KIRREL3: variants seen among roughly 807,000 people sequenced by gnomAD.
KIRREL3 encodes kirre like nephrin family adhesion molecule 3, also known as kin of IRRE-like protein 3.
KIRREL3 carries 36 observed loss-of-function variants against 89.7 expected under a neutral mutation model. The observed-to-expected ratio is 0.40, with a 90% CI of 0.31 to 0.53. The LOEUF (loss-of-function observed/expected upper bound fraction) is 0.53. KIRREL3 is among the 20% of genes least tolerant of loss of function. The pLI is 0.49. For missense variants in KIRREL3, 864 were observed against 1,056.6 expected (o/e 0.82, Z 2.53); for synonymous variants, 445 against 441.4 (o/e 1.01, Z -0.10).
At chr11:126,450,498 C>A (rs117890070) in intron 7 of KIRREL3, among the ~76,000 whole-genome samples, 1 of 89,788 alleles carries the variant, frequency 1.1e-5, no homozygotes, top group South Asian at 3.3e-4. Flanking sequence ...TGAGTGTGTG[C>A]ATGTGTGCAT....
At chr11:126,942,195 C>T (rs940040401) in intron 1 of KIRREL3, among the ~76,000 whole-genome samples, 2 of 152,178 alleles carry the variant, frequency 1.3e-5, no homozygotes, top group Non-Finnish European at 2.9e-5. Flanking sequence ...GTATTAATCT[C>T]TCTGAGCCTT....
Position 126,682,015 on chromosome 11 carries a change from G to A in KIRREL3, c.56-119103C>T, listed in dbSNP as rs1946479149. On this transcript the variant is annotated intron_variant, in intron 1 of 16. Coordinates refer to ENST00000525144, the MANE Select transcript of KIRREL3 (RefSeq NM_032531.4). The surrounding 1 kb of genome is among the most constrained non-coding windows in gnomAD (Gnocchi z 4.8). The stretch of plus-strand genomic sequence containing the variant: ...AATCAGGAGACCAGATGTCAAGACT[G>A]GACTACATCTTTATATTCATTTCCA... 1 of 372,450 alleles carries A rather than the reference G, an allele frequency of 2.7e-6. No individual in the cohort carries two copies. Among genetic ancestry groups the A allele is most frequent in the Admixed American group, 3.4e-5 (1 of 29,256 alleles). The allele number at this position is 372,450 out of a possible 1,614,324, so 23.1% of individuals were successfully genotyped here. A position where few individuals can be genotyped will look rare whatever the true frequency, so the allele number is the denominator to read the frequency against.
At chr11:126,678,196 A>G (rs1946284142) in intron 1 of KIRREL3, among the ~76,000 whole-genome samples, 1 of 152,184 alleles carries the variant, frequency 6.6e-6, no homozygotes, top group South Asian at 2.1e-4. Flanking sequence ...AGCTTACAGC[A>G]CCTGATTAAT....
chr11:126,436,690 G>T, intron 12 of KIRREL3, 121 bp downstream of exon 12: 1 of 1,039,154 alleles, frequency 9.6e-7, no homozygotes, highest in Non-Finnish European at 1.4e-6. Context: ...GCCAGGAAGA[G>T]CACTGTGGCT....
At position 126,594,207 on chromosome 11, in the gene KIRREL3, G is replaced by A. The variant is rs558876654; in HGVS notation, c.56-31295C>T. Among the ~76,000 whole-genome samples the A allele has an allele frequency of 6.6e-6, 1 of 152,292 alleles. No homozygotes were observed. Among genetic ancestry groups the A allele is most frequent in the East Asian group, 1.9e-4 (1 of 5,184 alleles). The stretch of plus-strand genomic sequence containing the variant: ...CTGGAGAAGAAGGCAGGCAGAAGAG[G>A]AAGGGAGGGAAGGATGGAGGAGCTG... On this transcript the variant is annotated intron_variant, in intron 1 of 16. Coordinates refer to ENST00000525144, the MANE Select transcript of KIRREL3 (RefSeq NM_032531.4). The surrounding 1 kb of genome is among the most constrained non-coding windows in gnomAD (Gnocchi z 5.0).
rs997692601 is a variant in KIRREL3, at chr11:126,703,412, T to C, written c.56-140500A>G. Among the ~76,000 whole-genome samples the C allele has an allele frequency of 1.3e-5, 2 of 152,254 alleles. No homozygotes were observed. Among genetic ancestry groups the C allele is most frequent in the Non-Finnish European group, 2.9e-5 (2 of 68,040 alleles). On this transcript the variant is annotated intron_variant, in intron 1 of 16. Coordinates refer to ENST00000525144, the MANE Select transcript of KIRREL3 (RefSeq NM_032531.4). This position sits in a 1 kb window ranked among gnomAD's most constrained non-coding sequence, Gnocchi z 4.6. Reference sequence around the variant, plus strand: ...TCAGCAGGAGCAGTGACTTTACCAATGATTGATCAGCTGTTATGTGCCAGG... The same window carrying C: ...TCAGCAGGAGCAGTGACTTTACCAACGATTGATCAGCTGTTATGTGCCAGG...
intron 1 of KIRREL3, among the ~76,000 whole-genome samples, chr11:126,654,305 G>A (rs1363145131): frequency 2.6e-5 from 4 of 151,174 alleles, no homozygotes; most frequent in Non-Finnish European, 4.4e-5. Context: ...AGTCAACCCC[G>A]AGAAGATGGA....
chr11:126,745,024 T>A (rs1949097960), intron 1 of KIRREL3, among the ~76,000 whole-genome samples: 1 of 152,110 alleles, frequency 6.6e-6, no homozygotes, highest in Non-Finnish European at 1.5e-5. Context: ...TGGTTAGAGG[T>A]CCAGTTTCAA....
At position 126,429,535 on chromosome 11, in the gene KIRREL3, C is replaced by T. The variant is rs1380275186; in HGVS notation, c.1697-247G>A. On this transcript the variant is annotated intron_variant, in intron 14 of 16. Transcript: ENST00000525144. This position sits in a 1 kb window ranked among gnomAD's most constrained non-coding sequence, Gnocchi z 5.2. ...CTGTCACATGCCCCTCAGCCATGCA[C>T]CCTTGGCTTGAAAGATCGTCTTCAG... 1.3e-5 allele frequency among the ~76,000 whole-genome samples: 2 copies of T among 152,200 alleles called. No individual in the cohort carries two copies. Among genetic ancestry groups the T allele is most frequent in the African/African-American group, 2.4e-5 (1 of 41,452 alleles).
intron 5 of KIRREL3, among the ~76,000 whole-genome samples, chr11:126,464,143 AG>A (rs943247822): frequency 6.6e-6 from 1 of 152,164 alleles, no homozygotes; most frequent in Non-Finnish European, 1.5e-5. Flanking sequence ...TAATTAGTTA[AG>A]GCTCTTGAGA....
chr11:126,864,197 C>T (rs1000215583), intron 1 of KIRREL3, among the ~76,000 whole-genome samples: 2 of 152,178 alleles, frequency 1.3e-5, no homozygotes, highest in African/African-American at 4.8e-5. Flanking sequence ...AGTTATTATT[C>T]TCATTTTAGG....
In KIRREL3 at chr11:126,805,923, C is replaced by T. The variant is rs147976486; in HGVS notation, c.55+194532G>A. On this transcript the variant is annotated intron_variant, in intron 1 of 16. Coordinates refer to ENST00000525144, the MANE Select transcript of KIRREL3 (RefSeq NM_032531.4). This position sits in a 1 kb window ranked among gnomAD's most constrained non-coding sequence, Gnocchi z 4.3. The stretch of plus-strand genomic sequence containing the variant: ...TGCCATCCCCTCCACCTTCTCCGTG[C>T]GGCCTCTCCCTTGGCTGTCCTCTGA... Among the ~76,000 whole-genome samples, 7 of 152,252 alleles carry T rather than the reference C, an allele frequency of 4.6e-5. No individual in the cohort carries two copies. The highest frequency in any genetic ancestry group is 3.9e-4 in the East Asian group (2 of 5,176).
rs1475130415 is a variant in KIRREL3 at position 126,474,912 on chromosome 11, G to A, written c.434-1446C>T. The stretch of plus-strand genomic sequence containing the variant: ...GCTTGTGCTTGGGGACACGTTGAGA[G>A]TCTCAGGCCTCTGCTGCTCCCTGGA... On this transcript the variant is annotated intron_variant, in intron 4 of 16. Coordinates refer to ENST00000525144, the MANE Select transcript of KIRREL3 (RefSeq NM_032531.4). The surrounding 1 kb of genome is among the most constrained non-coding windows in gnomAD (Gnocchi z 6.7). 6.6e-6 allele frequency among the ~76,000 whole-genome samples: 1 copy of A among 152,184 alleles called. No homozygotes were observed. The highest frequency in any genetic ancestry group is 2.4e-5 in the African/African-American group (1 of 41,434).
intron 9 of KIRREL3, 110 bp from the exon 10 acceptor site, chr11:126,445,215 G>C: frequency 7.3e-7 from 1 of 1,378,714 alleles, no homozygotes; most frequent in Non-Finnish European, 9.9e-7. Context: ...GCAGTCTCCG[G>C]CATCTCAGTA....
chr11:126,469,858 T>C (rs1956837123), intron 5 of KIRREL3, among the ~76,000 whole-genome samples: 1 of 152,254 alleles, frequency 6.6e-6, no homozygotes, highest in South Asian at 2.1e-4. Flanking sequence ...CTGAGGTGAC[T>C]GTCCCCTGAG....
In KIRREL3 at chr11:126,772,273, C is replaced by T. The variant is rs1362621433; in HGVS notation, c.56-209361G>A. Among the ~76,000 whole-genome samples, 4 of 152,114 alleles carry T rather than the reference C, an allele frequency of 2.6e-5. No homozygotes were observed. Among genetic ancestry groups the T allele is most frequent in the Non-Finnish European group, 5.9e-5 (4 of 68,016 alleles). On this transcript the variant is annotated intron_variant, in intron 1 of 16. Coordinates refer to ENST00000525144, the MANE Select transcript of KIRREL3 (RefSeq NM_032531.4). The surrounding 1 kb of genome is among the most constrained non-coding windows in gnomAD (Gnocchi z 4.6). ...GGATAGGGGAATTGAGGAAGAATGTCAATATTTTTTGGGTCAATGTTTGTA... is the reference window on the plus strand; with the variant it reads ...GGATAGGGGAATTGAGGAAGAATGTTAATATTTTTTGGGTCAATGTTTGTA...
intron 1 of KIRREL3, among the ~76,000 whole-genome samples, chr11:126,743,285 C>T (rs993273157): frequency 3.9e-5 from 6 of 152,244 alleles, no homozygotes; most frequent in South Asian, 2.1e-4. Context: ...GAACGGTGAG[C>T]CTGGACTAGC....
chr11:126,499,621 A>G (rs1957789806), intron 4 of KIRREL3, among the ~76,000 whole-genome samples: 1 of 152,154 alleles, frequency 6.6e-6, no homozygotes, highest in Admixed American at 6.5e-5. Flanking sequence ...CACGCCAAAC[A>G]TCCCAAACGC....
rs988841676 is a variant in KIRREL3, at chr11:126,904,753, T to C, written c.55+95702A>G. ...AATGTACATATTTAATCTTGTCTCG[T>C]CTATTTTTATCCTATGTTCACTCAA... On this transcript the variant is annotated intron_variant, in intron 1 of 16. Coordinates refer to ENST00000525144, the MANE Select transcript of KIRREL3 (RefSeq NM_032531.4). The surrounding 1 kb of genome is among the most constrained non-coding windows in gnomAD (Gnocchi z 4.4). Among the ~76,000 whole-genome samples the C allele has an allele frequency of 2.6e-5, 4 of 152,234 alleles. No homozygotes were observed. The East Asian group carries it at 5.8e-4, about 22-fold the overall frequency.
Sources: gnomAD v4.1 joint callset for allele counts (sites outside exome capture counted in the v4.1 genomes callset) on GRCh38, gnomAD v4.1.1 for gene constraint, Gnocchi (gnomAD v3.1) non-coding constraint, MANE v1.5 for transcripts, NCBI Gene and HGNC (gene_info 2026-07-23, HGNC 2026-07-21) for gene names.